The following SNRK variants were observed in gnomAD, a reference collection of about 807,000 sequenced individuals.
SNRK encodes SNF-related serine/threonine-protein kinase.
Under a neutral mutation model 48.2 loss-of-function variants are expected in SNRK, and 3 were observed. The observed-to-expected ratio is 0.06, with a 90% CI of 0.03 to 0.16. The LOEUF is 0.16. SNRK is among the 10% of genes least tolerant of loss of function. The pLI is 1.00. For synonymous variants in SNRK, 376 were observed against 366.1 expected (o/e 1.03, Z -0.31); for missense variants, 627 against 976.0 (o/e 0.64, Z 4.76).
At chr3:43,326,364 C>T (rs1020594899) in intron 3 of SNRK, among the ~76,000 whole-genome samples, 2 of 151,914 alleles carry the variant, frequency 1.3e-5, no homozygotes, top group East Asian at 3.9e-4. Flanking sequence ...GAGGGGGCCC[C>T]ACAATATTTG....
chr3:43,322,907 G>A lies in SNRK; in HGVS notation c.590-9262G>A, dbSNP rs986056773. ...GCGGAGCTTACAGTGAGCCGAGACCGTGCCACTGCACTACAGCCTGCGCGA... is the reference window on the plus strand; with the variant it reads ...GCGGAGCTTACAGTGAGCCGAGACCATGCCACTGCACTACAGCCTGCGCGA... On this transcript the variant is annotated intron_variant, in intron 3 of 6. Coordinates refer to ENST00000296088, the MANE Select transcript of SNRK (RefSeq NM_017719.5). 2.2e-5 allele frequency among the ~76,000 whole-genome samples: 3 copies of A among 134,718 alleles called. No individual in the cohort carries two copies. The East Asian group carries it at 6.7e-4, about 30-fold the overall frequency. The allele number at this position is 134,718 out of a possible 152,430, so 88.4% of individuals were successfully genotyped here.
In SNRK at chr3:43,332,289, A is replaced by G. The variant is rs1272593106; in HGVS notation, c.710A>G (p.His237Arg). The stretch of plus-strand genomic sequence containing the variant: ...GATTGCAAATATACAGTACCATCCC[A>G]TGTGTCTAAAGAGTGTAAAGAGTAA... ...IMDCKYTVPS[H>R]VSKECKDLIT... Residue 237 changes from histidine (H) to arginine (R), a missense_variant, in exon 4 of 7, where the codon CAT (histidine) becomes CGT (arginine). Around this residue, in one of 4 missense-constraint regions of SNRK, gnomAD observed 147 missense variants for 356.8 expected, o/e 0.41. Transcript: ENST00000296088. 5.1e-6 allele frequency: 8 copies of G among 1,557,438 alleles called. No homozygotes were observed. Among genetic ancestry groups the G allele is most frequent in the Non-Finnish European group, 6.1e-6 (7 of 1,151,614 alleles).
chr3:43,337,112 C>T (rs559501450), intron 4 of SNRK, among the ~76,000 whole-genome samples: 3 of 150,486 alleles, frequency 2.0e-5, no homozygotes, highest in South Asian at 4.2e-4. Context: ...CTCGATCTGT[C>T]GCCCAGGCTC....
chr3:43,292,720 T>G (rs2090822314), intron 1 of SNRK, among the ~76,000 whole-genome samples: 1 of 152,258 alleles, frequency 6.6e-6, no homozygotes, highest in Non-Finnish European at 1.5e-5. Flanking sequence ...CCTCTACTCC[T>G]GTTGAAGGAT....
chr3:43,332,588 C>T (rs1476846298), intron 4 of SNRK: 1 of 220,538 alleles, frequency 4.5e-6, no homozygotes, highest in Non-Finnish European at 8.8e-6. Context: ...GCCTCTTCAA[C>T]CTTCAGGAGT....
intron 3 of SNRK, among the ~76,000 whole-genome samples, chr3:43,306,674 T>C (rs371383764): frequency 2.0e-5 from 3 of 152,324 alleles, no homozygotes; most frequent in South Asian, 4.1e-4. Flanking sequence ...CAATATCTGA[T>C]GTGTACATCT....
In SNRK at chr3:43,335,024, TATTA is replaced by T. The variant is rs568538706; in HGVS notation, c.731+2715_731+2718del. 2.6e-5 allele frequency among the ~76,000 whole-genome samples: 4 copies of T among 152,344 alleles called. No individual in the cohort carries two copies. In the South Asian group the frequency reaches 8.3e-4, roughly 32 times the overall value. On this transcript the variant is annotated intron_variant, in intron 4 of 6. Transcript: ENST00000296088. Reference sequence around the variant, plus strand: ...CAGTTTTGCCAGAAGTTTGTTATTTTATTAGTCTTTTTCTAAGAACTACCTTTTG... The same window carrying T: ...CAGTTTTGCCAGAAGTTTGTTATTTTGTCTTTTTCTAAGAACTACCTTTTG...
chr3:43,321,015 T>C (rs1347491573), intron 3 of SNRK, among the ~76,000 whole-genome samples: 1 of 151,816 alleles, frequency 6.6e-6, no homozygotes, highest in East Asian at 1.9e-4. Flanking sequence ...CAGAAGATTC[T>C]CTTGGTTTTA....
chr3:43,320,989 A>G (rs79487905), intron 3 of SNRK, among the ~76,000 whole-genome samples: 4,151 of 141,326 alleles, frequency 0.029, 196 homozygotes, highest in African/African-American at 0.1. Context: ...GAAACCCATT[A>G]TGTTCCATCT....
Position 43,348,792 on chromosome 3 carries a change from T to A in SNRK, c.*235T>A. 2.5e-6 allele frequency: 1 copy of A among 392,792 alleles called. No homozygotes were observed. The highest frequency in any genetic ancestry group is 2.1e-5 in the African/African-American group (1 of 48,560). The allele number at this position is 392,792 out of a possible 1,614,324, so 24.3% of individuals were successfully genotyped here. ...GTAATTTTTACATTCATAATTTTAA[T>A]GTGGATGATCAGGATTAAATCAAGA... On this transcript the variant is annotated 3_prime_UTR_variant, in exon 7 of 7. Transcript: ENST00000296088.
At chr3:43,336,445 C>T (rs981581521) in intron 4 of SNRK, among the ~76,000 whole-genome samples, 2 of 152,076 alleles carry the variant, frequency 1.3e-5, no homozygotes, top group African/African-American at 4.8e-5. Context: ...GATTGTCCTG[C>T]CTCAGTCTCC....
At position 43,302,472 on chromosome 3, in the gene SNRK, A is replaced by G. The variant is rs146102753; in HGVS notation, c.-106-626A>G. ...GAAGAAAAAAAAATAGAACCTTAGA[A>G]TAGAAAATCCCTGAGAACCTGCTAC... On this transcript the variant is annotated intron_variant, in intron 2 of 6. Transcript: ENST00000296088. 3.3e-4 allele frequency among the ~76,000 whole-genome samples: 50 copies of G among 152,242 alleles called. No individual in the cohort carries two copies. The East Asian group carries it at 9.3e-3, about 28-fold the overall frequency.
intron 4 of SNRK, among the ~76,000 whole-genome samples, chr3:43,338,231 C>G (rs1190267329): frequency 6.6e-6 from 1 of 152,218 alleles, no homozygotes; most frequent in Non-Finnish European, 1.5e-5. Context: ...TCACACTATC[C>G]TGTCAAAATA....
At chr3:43,315,675 C>A (rs921476153) in intron 3 of SNRK, among the ~76,000 whole-genome samples, 1 of 152,318 alleles carries the variant, frequency 6.6e-6, no homozygotes, top group Admixed American at 6.5e-5. Context: ...TTTAAAGTAG[C>A]ACCTCAGTAA....
At chr3:43,339,588 C>A (rs537414006) in intron 4 of SNRK, among the ~76,000 whole-genome samples, 3 of 151,570 alleles carry the variant, frequency 2.0e-5, no homozygotes, top group African/African-American at 7.3e-5. Flanking sequence ...AAGGCCGAGG[C>A]GGGCGAATCA....
rs539373016 is a variant in SNRK, at chr3:43,347,529, C to T, written c.1270C>T (p.Leu424Phe). The T allele has an allele frequency of 7.4e-6, 12 of 1,613,476 alleles. No homozygotes were observed. In the South Asian group the frequency reaches 9.9e-5, roughly 13 times the overall value. The change falls in exon 7 of 7, where the codon CTC becomes TTC. Residue 424 changes from leucine (L) to phenylalanine (F), a missense_variant. By Grantham distance (22) the Leu-to-Phe change is conservative. Around this residue, in one of 4 missense-constraint regions of SNRK, gnomAD observed 175 missense variants for 209.7 expected, o/e 0.83. Transcript: ENST00000296088. This position sits in a 1 kb window ranked among gnomAD's most constrained non-coding sequence, Gnocchi z 5.4. The stretch of plus-strand genomic sequence containing the variant: ...CCTCCCTGAGTTGGCTGGACCAGCA[C>T]TCTCTACGGTGCCACCCGCAAGCTT... Reference protein sequence around the residue: ...DDLPELAGPALSTVPPASLKP... With the variant: ...DDLPELAGPAFSTVPPASLKP...
At chr3:43,296,539 A>G (rs1408918902) in intron 1 of SNRK, among the ~76,000 whole-genome samples, 1 of 151,726 alleles carries the variant, frequency 6.6e-6, no homozygotes, top group African/African-American at 2.4e-5. Context: ...TAGATAAGCT[A>G]TAGAAGTAGT....
In SNRK at chr3:43,348,311, G is replaced by A. The variant is rs373551162; in HGVS notation, c.2052G>A (p.Thr684=). The change falls in exon 7 of 7, where the codon ACG becomes ACA. Residue 684 remains threonine, a synonymous_variant. Transcript: ENST00000296088. ...GTGTGAAAGTCCAAGAGAAATCTAC[G>A]TGGAAAATGTGCATTAGCTCCACAG... ...FSSVKVQEKS[T]WKMCISSTGN... 47 of 1,613,378 alleles carry A rather than the reference G, an allele frequency of 2.9e-5. No individual in the cohort carries two copies. The highest frequency in any genetic ancestry group is 5.5e-5 in the South Asian group (5 of 90,972).
At position 43,299,786 on chromosome 3, in the gene SNRK, A is replaced by G. The variant is rs1195112262; in HGVS notation, c.-136A>G. 3 of 152,654 alleles carry G rather than the reference A, an allele frequency of 2.0e-5. No homozygotes were observed. Among genetic ancestry groups the G allele is most frequent in the Non-Finnish European group, 4.4e-5 (3 of 68,046 alleles). The allele number at this position is 152,654 out of a possible 1,614,324, so 9.5% of individuals were successfully genotyped here. On this transcript the variant is annotated 5_prime_UTR_variant, in exon 2 of 7. Coordinates refer to ENST00000296088, the MANE Select transcript of SNRK (RefSeq NM_017719.5). ...AAGCAACTAACAAAACACTGTGATA[A>G]TAAGGATTATTCAGTATGCAGTTTG... is the stretch of plus-strand genomic sequence containing the variant.
Sources: allele counts gnomAD v4.1 joint callset (sites outside exome capture counted in the v4.1 genomes callset), GRCh38; gene constraint gnomAD v4.1.1; regional missense constraint gnomAD v4.1.1; non-coding constraint Gnocchi (gnomAD v3.1); transcripts MANE v1.5; gene names NCBI Gene and HGNC (gene_info 2026-07-23, HGNC 2026-07-21).